The following RBFOX3 variants were observed in gnomAD, a reference collection of about 807,000 sequenced individuals.
The protein encoded by RBFOX3 is RNA binding fox-1 homolog 3.
A neutral mutation model predicts 48.7 loss-of-function variants in RBFOX3; 17 were observed. The ratio of observed to expected loss-of-function variants is 0.35; its 90% CI spans 0.24 to 0.52. The LOEUF is 0.52. Ranked by LOEUF, RBFOX3 falls within the 20% of genes least tolerant of loss-of-function variation. RBFOX3 has a pLI of 0.94. For missense variants in RBFOX3, 382 were observed against 497.5 expected, an observed-to-expected ratio of 0.77 and a Z score of 2.21; for synonymous variants, 212 against 209.5, an observed-to-expected ratio of 1.01 and a Z score of -0.10.
chr17:79,463,320 C>A (rs1555750680), intron 2 of RBFOX3, among the ~76,000 whole-genome samples: 1 of 79,520 alleles, frequency 1.3e-5, no homozygotes, highest in African/African-American at 4.5e-5. Flanking sequence ...ATCGCCACTG[C>A]CACCGCCACC....
chr17:79,287,381 A>T (rs527337343), intron 3 of RBFOX3, among the ~76,000 whole-genome samples: 1 of 152,202 alleles, frequency 6.6e-6, no homozygotes, highest in South Asian at 2.1e-4. Context: ...TTGGGTTTCA[A>T]TGGATTCGTT....
Position 79,391,951 on chromosome 17 carries a change from G to A in RBFOX3, c.-174-84127C>T, listed in dbSNP as rs902194944. Among the ~76,000 whole-genome samples, 2 of 152,124 alleles carry A rather than the reference G, an allele frequency of 1.3e-5. No individual in the cohort carries two copies. The highest frequency in any genetic ancestry group is 1.5e-5 in the Non-Finnish European group (1 of 68,040). ...GGTCGCGGGTTTGCTGAGAAGGCAC[G>A]TGCTCCCCCTGGTGGAAGGAAACTT... On this transcript the variant is annotated intron_variant, in intron 2 of 14. Transcript: ENST00000693108. The surrounding 1 kb of genome is among the most constrained non-coding windows in gnomAD (Gnocchi z 5.0).
chr17:79,640,177 A>G, the RBFOX3 span, among the ~76,000 whole-genome samples: 2,334 of 152,314 alleles, frequency 0.015, 65 homozygotes, highest in African/African-American at 0.053. Flanking sequence ...ACAATTAAGT[A>G]TGTGAAAAGG....
intron 1 of RBFOX3, among the ~76,000 whole-genome samples, chr17:79,574,015 G>A: frequency 6.6e-6 from 1 of 152,334 alleles, no homozygotes; most frequent in South Asian, 2.1e-4. Context: ...CCAGGGGTGG[G>A]CTGCCCACTG....
chr17:79,546,189 G>A (rs1202590091), intron 1 of RBFOX3, among the ~76,000 whole-genome samples: 1 of 152,230 alleles, frequency 6.6e-6, no homozygotes, highest in African/African-American at 2.4e-5. Context: ...CACCACTGAT[G>A]AACGACAACC....
chr17:79,267,915 C>T (rs994194878), intron 3 of RBFOX3, among the ~76,000 whole-genome samples: 1 of 152,156 alleles, frequency 6.6e-6, no homozygotes, highest in Non-Finnish European at 1.5e-5. Context: ...TCTCTCCAGC[C>T]TAACTCTTGA....
Position 79,213,100 on chromosome 17 carries a change from G to A in RBFOX3, c.-34+22666C>T, listed in dbSNP as rs1281955241. ...ATGAACTCCTGACCTCAAGTGATCT[G>A]CCCGCCTTGGCCTCTCAAAGTGCTG... On this transcript the variant is annotated intron_variant, in intron 4 of 14. Transcript: ENST00000693108. Among the ~76,000 whole-genome samples the A allele has an allele frequency of 4.6e-5, 7 of 152,140 alleles. No homozygotes were observed. The East Asian group carries it at 1.4e-3, about 29-fold the overall frequency.
At chr17:79,100,198 C>G (rs535302580) in intron 9 of RBFOX3, 1 of 152,436 alleles carries the variant, frequency 6.6e-6, no homozygotes, top group East Asian at 1.9e-4. Flanking sequence ...GCCCAGACAG[C>G]GGTGGGTGTG....
At chr17:79,401,319 G>A (rs918901649) in intron 2 of RBFOX3, among the ~76,000 whole-genome samples, 6 of 152,210 alleles carry the variant, frequency 3.9e-5, no homozygotes, top group African/African-American at 1.4e-4. Flanking sequence ...GTGGTAGAAC[G>A]GGGCTACTAC....
At chr17:79,157,677 G>A (rs1380085510) in intron 4 of RBFOX3, among the ~76,000 whole-genome samples, 1 of 152,178 alleles carries the variant, frequency 6.6e-6, no homozygotes, top group African/African-American at 2.4e-5. Flanking sequence ...CCGGGGGACA[G>A]AGGCCAGGGC....
At chr17:79,549,170 T>C (rs529108477) in intron 1 of RBFOX3, among the ~76,000 whole-genome samples, 1 of 152,318 alleles carries the variant, frequency 6.6e-6, no homozygotes, top group South Asian at 2.1e-4. Flanking sequence ...TGCCAGCAAG[T>C]GACAGCCACA....
chr17:79,586,655 C>T (rs2093259252), intron 1 of RBFOX3, among the ~76,000 whole-genome samples: 1 of 152,286 alleles, frequency 6.6e-6, no homozygotes, highest in African/African-American at 2.4e-5. Flanking sequence ...GTGAGATCTT[C>T]CGTTTGATTT....
At chr17:79,152,438 C>A (rs548564329) in intron 4 of RBFOX3, among the ~76,000 whole-genome samples, 1 of 137,036 alleles carries the variant, frequency 7.3e-6, no homozygotes, top group East Asian at 2.2e-4. Flanking sequence ...AGGAAGCAAC[C>A]TCCTTAGGGG....
intron 4 of RBFOX3, among the ~76,000 whole-genome samples, chr17:79,193,283 G>A (rs2054894062): frequency 6.6e-6 from 1 of 152,216 alleles, no homozygotes. Flanking sequence ...AGTGGGGGCA[G>A]GGAATGTGCC....
At chr17:79,216,738 C>T (rs1454100310) in intron 4 of RBFOX3, among the ~76,000 whole-genome samples, 4 of 152,172 alleles carry the variant, frequency 2.6e-5, no homozygotes, top group Non-Finnish European at 5.9e-5. Flanking sequence ...ACAGAACACG[C>T]AAACAGTAAT....
At chr17:79,454,625 T>A (rs11077442) in intron 2 of RBFOX3, among the ~76,000 whole-genome samples, 68,181 of 151,976 alleles carry the variant, frequency 0.45, 15,459 homozygotes, top group East Asian at 0.55. Context: ...TCCGGCCCTG[T>A]GCATTACCAC....
At chr17:79,255,268 T>A (rs993430707) in intron 3 of RBFOX3, among the ~76,000 whole-genome samples, 1 of 149,320 alleles carries the variant, frequency 6.7e-6, no homozygotes, top group African/African-American at 2.5e-5. Flanking sequence ...GGGTGTGGCA[T>A]GAGGAGGAGC....
chr17:79,108,377 G>A (rs1420909105), intron 5 of RBFOX3, among the ~76,000 whole-genome samples: 6 of 152,248 alleles, frequency 3.9e-5, no homozygotes, highest in Non-Finnish European at 1.5e-5. Context: ...AAGCCAAGAA[G>A]AGAGGCTCCA....
rs569309592 is a variant in RBFOX3, at chr17:79,199,172, T to C, written c.-34+36594A>G. Among the ~76,000 whole-genome samples the C allele has an allele frequency of 6.6e-6, 1 of 152,196 alleles. No homozygotes were observed. The highest frequency in any genetic ancestry group is 6.5e-5 in the Admixed American group (1 of 15,280). ...TGCAGCTGTGGTCATAGGGTGGGGA[T>C]GGGAAGGCAGACTCTGGCTGGCTCA... On this transcript the variant is annotated intron_variant, in intron 4 of 14. Transcript: ENST00000693108. The surrounding 1 kb of genome is among the most constrained non-coding windows in gnomAD (Gnocchi z 5.1).
Sources: gnomAD v4.1 joint callset for allele counts (sites outside exome capture counted in the v4.1 genomes callset) on GRCh38, gnomAD v4.1.1 for gene constraint, Gnocchi (gnomAD v3.1) non-coding constraint, MANE v1.5 for transcripts, NCBI Gene and HGNC (gene_info 2026-07-23, HGNC 2026-07-21) for gene names.